The following AFF1 variants were observed in gnomAD, a reference collection of about 807,000 sequenced individuals.
The protein encoded by AFF1 is AF4/FMR2 family member 1.
A neutral mutation model predicts 121.7 loss-of-function variants in AFF1; 48 were observed. The observed-to-expected ratio is 0.39, with a 90% CI of 0.31 to 0.50. The LOEUF (loss-of-function observed/expected upper bound fraction) is 0.50, where lower values mean the gene tolerates loss of function less well. Among genes scored for constraint, AFF1 ranks in the 20% least tolerant of loss-of-function variants. The pLI is 0.76. For synonymous variants in AFF1, 613 were observed against 563.0 expected (o/e 1.09, Z -1.26); for missense variants, 1,523 against 1,511.7 (o/e 1.01, Z -0.12).
intron 2 of AFF1, among the ~76,000 whole-genome samples, chr4:86,976,513 TCAGAAA>T (rs375507607): frequency 4.0e-5 from 6 of 151,774 alleles, no homozygotes; most frequent in African/African-American, 1.5e-4. Context: ...GCAAACTAAC[TCAGAAA>T]CAGAAAACCG....
chr4:87,081,938 A>G (rs1560606908), intron 4 of AFF1, among the ~76,000 whole-genome samples: 1 of 152,166 alleles, frequency 6.6e-6, no homozygotes, highest in African/African-American at 2.4e-5. Flanking sequence ...GGCGACATGA[A>G]ACATCTTGGC....
At chr4:87,025,466 C>G (rs1728431317) in intron 2 of AFF1, among the ~76,000 whole-genome samples, 1 of 152,204 alleles carries the variant, frequency 6.6e-6, no homozygotes, top group African/African-American at 2.4e-5. Context: ...AAAGATTTCC[C>G]ATGTCAGTTC....
At chr4:87,040,190 C>T (rs779402727) in intron 2 of AFF1, among the ~76,000 whole-genome samples, 15 of 152,120 alleles carry the variant, frequency 9.9e-5, no homozygotes, top group Non-Finnish European at 2.1e-4. Context: ...CCACTGTGAC[C>T]GGCCCACAGT....
chr4:87,010,470 GA>G (rs1726627970), intron 2 of AFF1, among the ~76,000 whole-genome samples: 1 of 152,108 alleles, frequency 6.6e-6, no homozygotes, highest in Non-Finnish European at 1.5e-5. Context: ...CTTCCTTGTG[GA>G]AATTGCAACA....
intron 4 of AFF1, among the ~76,000 whole-genome samples, chr4:87,064,881 A>AG (rs1445395791): frequency 1.5e-5 from 2 of 132,790 alleles, no homozygotes; most frequent in Non-Finnish European, 3.0e-5. Context: ...CTCAAAAGAA[A>AG]AAAAAAAAAA....
chr4:87,007,505 G>A, intron 2 of AFF1: 1 of 1,570,992 alleles, frequency 6.4e-7, no homozygotes, highest in Non-Finnish European at 8.8e-7. Flanking sequence ...CAGGGTGCGG[G>A]GAAGGAGACG....
intron 1 of AFF1, among the ~76,000 whole-genome samples, chr4:86,944,922 A>C (rs1229028361): frequency 6.6e-6 from 1 of 152,230 alleles, no homozygotes; most frequent in Non-Finnish European, 1.5e-5. Flanking sequence ...GAGGAAGAAA[A>C]GCAGTTTGAT....
intron 11 of AFF1, among the ~76,000 whole-genome samples, chr4:87,110,051 T>C (rs1452647151): frequency 6.6e-6 from 1 of 152,214 alleles, no homozygotes; most frequent in African/African-American, 2.4e-5. Flanking sequence ...TGTTTCAGAG[T>C]AACAGAAATT....
Position 87,129,841 on chromosome 4 carries a change from G to A in AFF1, c.2965-1242G>A, listed in dbSNP as rs572560952. On this transcript the variant is annotated intron_variant, in intron 16 of 20. Coordinates refer to ENST00000395146, the MANE Select transcript of AFF1 (RefSeq NM_001166693.3). ...CTGTTGTCAGCTCACTGGGAGAAGCGTTGTTTCTGCCCTGTGTAGAGTGCA... is the reference window on the plus strand; with the variant it reads ...CTGTTGTCAGCTCACTGGGAGAAGCATTGTTTCTGCCCTGTGTAGAGTGCA... 6.6e-5 allele frequency among the ~76,000 whole-genome samples: 10 copies of A among 152,286 alleles called. No homozygotes were observed. In the South Asian group the frequency reaches 8.3e-4, roughly 13 times the overall value.
At position 87,132,259 on chromosome 4, in the gene AFF1, CT is replaced by C. The variant is rs1381808196; in HGVS notation, c.3174-9del. On this transcript the variant is annotated splice_polypyrimidine_tract_variant and intron_variant, in intron 18 of 20. Coordinates refer to ENST00000395146, the MANE Select transcript of AFF1 (RefSeq NM_001166693.3). ...TAGTCACGTGCAGTTTCACTTCTGT[CT>C]TTGTTCATAGCATGCGTTGCCAGTC... 1 of 1,608,958 alleles carries C rather than the reference CT, an allele frequency of 6.2e-7. No individual in the cohort carries two copies. Among genetic ancestry groups the C allele is most frequent in the Admixed American group, 1.7e-5 (1 of 58,904 alleles).
chr4:86,935,268 C>T (rs1748355252), intron 1 of AFF1, 28 bp downstream of exon 1: 1 of 152,442 alleles, frequency 6.6e-6, no homozygotes, highest in South Asian at 2.1e-4. Context: ...CCACCCAGGG[C>T]TGGGGGTCGA....
chr4:87,075,788 G>C (rs1419335163), intron 4 of AFF1, among the ~76,000 whole-genome samples: 1 of 152,140 alleles, frequency 6.6e-6, no homozygotes, highest in Non-Finnish European at 1.5e-5. Flanking sequence ...CTGTGAAGTT[G>C]TCTGGAGTTT....
intron 1 of AFF1, among the ~76,000 whole-genome samples, chr4:86,946,976 C>T (rs1370300318): frequency 2.0e-5 from 3 of 152,140 alleles, no homozygotes; most frequent in Non-Finnish European, 4.4e-5. Context: ...ATAATGCCAA[C>T]AGGAATACAA....
chr4:86,935,263 C>T (rs1447697256), intron 1 of AFF1, 23 bp downstream of exon 1: 9 of 152,404 alleles, frequency 5.9e-5, no homozygotes, highest in Admixed American at 5.2e-4. Context: ...CTGCGCCACC[C>T]AGGGCTGGGG....
At chr4:87,057,756 C>G (rs1478507379) in intron 4 of AFF1, among the ~76,000 whole-genome samples, 1 of 152,014 alleles carries the variant, frequency 6.6e-6, no homozygotes, top group African/African-American at 2.4e-5. Context: ...TGAATAAAGC[C>G]CCTAAGACTT....
intron 17 of AFF1, among the ~76,000 whole-genome samples, chr4:87,131,562 C>T (rs1312292418): frequency 6.6e-6 from 1 of 152,180 alleles, no homozygotes; most frequent in Non-Finnish European, 1.5e-5. Context: ...AGTAAGGACA[C>T]AACTTCACTT....
intron 2 of AFF1, among the ~76,000 whole-genome samples, chr4:87,044,289 T>A (rs1730452087): frequency 6.6e-6 from 1 of 152,208 alleles, no homozygotes; most frequent in African/African-American, 2.4e-5. Context: ...TTTAAATAGT[T>A]GTAAGTTTGT....
intron 4 of AFF1, among the ~76,000 whole-genome samples, chr4:87,061,382 A>C (rs1472787853): frequency 1.3e-5 from 2 of 152,226 alleles, no homozygotes; most frequent in East Asian, 3.8e-4. Context: ...GGCCATGTTT[A>C]GCACAACAGG....
chr4:87,020,920 GTATCTTTTAA>G (rs1326605903), intron 2 of AFF1: 4 of 807,526 alleles, frequency 5.0e-6, no homozygotes, highest in Non-Finnish European at 6.0e-6. Flanking sequence ...AAAAAGATGT[GTATCTTTTAA>G]TATATTCTGC....
Sources: gnomAD v4.1 joint callset for allele counts (sites outside exome capture counted in the v4.1 genomes callset) on GRCh38, gnomAD v4.1.1 for gene constraint, MANE v1.5 for transcripts, NCBI Gene and HGNC (gene_info 2026-07-23, HGNC 2026-07-21) for gene names.